HOOK1: variants seen among roughly 807,000 people sequenced by gnomAD.
HOOK1 encodes the protein protein Hook homolog 1.
HOOK1 carries 60 observed loss-of-function variants against 112.8 expected under a neutral mutation model. The observed-to-expected ratio is 0.53, with a 90% CI of 0.43 to 0.66. HOOK1 has a LOEUF of 0.66. HOOK1 is among the 30% of genes least tolerant of loss of function. The pLI is 0.00. For synonymous variants in HOOK1, 294 were observed against 283.8 expected (o/e 1.04, Z -0.36); for missense variants, 770 against 856.0 (o/e 0.90, Z 1.25).
chr1:59,855,971 TATATATATATA>T (rs2098410413), intron 12 of HOOK1, among the ~76,000 whole-genome samples: 13 of 78,898 alleles, frequency 1.6e-4, no homozygotes, highest in Non-Finnish European at 2.9e-4. Flanking sequence ...AATTATTATA[TATATATATATA>T]TATTTTTTTT....
chr1:59,868,111 G>A (rs1643998292), intron 19 of HOOK1, 139 bp from the exon 20 acceptor site: 2 of 576,264 alleles, frequency 3.5e-6, no homozygotes, highest in Non-Finnish European at 6.2e-6. Context: ...AATTAGGATT[G>A]TAAAACAAGC....
intron 2 of HOOK1, 72 bp downstream of exon 2, chr1:59,822,015 T>G (rs2098386047): frequency 8.2e-7 from 1 of 1,223,458 alleles, no homozygotes; most frequent in Non-Finnish European, 1.2e-6. Context: ...AACTTGGACT[T>G]GAATTCCAAA....
At chr1:59,822,748 G>A (rs962379417) in intron 2 of HOOK1, among the ~76,000 whole-genome samples, 12 of 152,048 alleles carry the variant, frequency 7.9e-5, no homozygotes, top group African/African-American at 2.9e-4. Context: ...CAGATTATTT[G>A]TCACCATCAT....
chr1:59,857,164 T>C (rs2098411158), intron 12 of HOOK1, among the ~76,000 whole-genome samples: 1 of 152,092 alleles, frequency 6.6e-6, no homozygotes, highest in Non-Finnish European at 1.5e-5. Flanking sequence ...TCCCTACAAA[T>C]GGGATTTAGG....
chr1:59,814,996 C>A lies in HOOK1; in HGVS notation c.-122C>A. The A allele has an allele frequency of 1.0e-6, 1 of 958,624 alleles. No homozygotes were observed. Among genetic ancestry groups the A allele is most frequent in the Non-Finnish European group, 1.6e-6 (1 of 639,432 alleles). The allele number at this position is 958,624 out of a possible 1,614,324, so 59.4% of individuals were successfully genotyped here. A position where few individuals can be genotyped will look rare whatever the true frequency, so the allele number is the denominator to read the frequency against. Reference sequence around the variant, plus strand: ...CGCGAGGGTTCGCGCGTGAGCTGCGCGGGTCGGGCCTGGTACCGAGCTTTC... The same window carrying A: ...CGCGAGGGTTCGCGCGTGAGCTGCGAGGGTCGGGCCTGGTACCGAGCTTTC... On this transcript the variant is annotated 5_prime_UTR_variant, in exon 1 of 22. Coordinates refer to ENST00000371208, the MANE Select transcript of HOOK1 (RefSeq NM_015888.6).
intron 20 of HOOK1, 32 bp from the exon 21 acceptor site, chr1:59,871,010 G>T: frequency 7.1e-7 from 1 of 1,406,160 alleles, no homozygotes; most frequent in South Asian, 1.2e-5. Context: ...GTAATTTCTG[G>T]GATTTTAATT....
Position 59,843,479 on chromosome 1 carries a change from GA to G in HOOK1, c.670del (p.Met224Ter). ...AGAATTCACTGGTTTCTGAAAATGA[GA>G]TGATGAATGAAAAACTTGACCAGTT... ...EKNSLVSENE[M>X]MNEKLDQLDG... On this transcript the variant is annotated frameshift_variant, in exon 9 of 22. Coordinates refer to ENST00000371208, the MANE Select transcript of HOOK1 (RefSeq NM_015888.6). LOFTEE classifies it high-confidence loss of function. 1 of 1,610,780 alleles carries G rather than the reference GA, an allele frequency of 6.2e-7. No individual in the cohort carries two copies. Among genetic ancestry groups the G allele is most frequent in the Non-Finnish European group, 8.5e-7 (1 of 1,178,404 alleles).
Position 59,865,965 on chromosome 1 carries a change from C to A in HOOK1, c.1838C>A (p.Ala613Asp), listed in dbSNP as rs375577012. 1 of 1,558,006 alleles carries A rather than the reference C, an allele frequency of 6.4e-7. No homozygotes were observed. Among genetic ancestry groups the A allele is most frequent in the Non-Finnish European group, 8.8e-7 (1 of 1,137,796 alleles). Residue 613 changes from alanine (A) to aspartate (D), a missense_variant, in exon 19 of 22, where the codon GCC becomes GAC. Physicochemically the swap from Ala to Asp is moderately radical, Grantham distance 126. Transcript: ENST00000371208. ...EERYKMYLEK[A>D]RNVIKTLDPK... ...AGATATAAAATGTACTTGGAGAAAG[C>A]CAGAAATGTGAGTGACTTATCTTTC...
Position 59,843,518 on chromosome 1 carries a change from T to C in HOOK1, c.708T>C (p.Phe236=), listed in dbSNP as rs1345729887. Residue 236 remains phenylalanine, a synonymous_variant, in exon 9 of 22, where the codon TTT becomes TTC. Transcript: ENST00000371208. ...AACTTGACCAGTTGGATGGCTCTTT[T>C]GATGATCCAAACACAGTGGTTGCAA... ...NEKLDQLDGS[F]DDPNTVVAKK... 1 of 1,610,458 alleles carries C rather than the reference T, an allele frequency of 6.2e-7. No homozygotes were observed. The highest frequency in any genetic ancestry group is 8.5e-7 in the Non-Finnish European group (1 of 1,177,866).
In HOOK1 at chr1:59,872,948, G is replaced by A; in HGVS notation, c.2170G>A (p.Ala724Thr). The A allele has an allele frequency of 6.7e-7, 1 of 1,494,738 alleles. No individual in the cohort carries two copies. The highest frequency in any genetic ancestry group is 9.0e-7 in the Non-Finnish European group (1 of 1,112,654). The allele number at this position is 1,494,738 out of a possible 1,614,324, so 92.6% of individuals were successfully genotyped here. A position where few individuals can be genotyped will look rare whatever the true frequency, so the allele number is the denominator to read the frequency against. The change falls in exon 22 of 22, where the codon GCT becomes ACT. Residue 724 changes from alanine (A) to threonine (T), a missense_variant. By Grantham distance (58) the Ala-to-Thr change is moderately conservative. Around this residue, in one of 3 missense-constraint regions of HOOK1, gnomAD observed 111 missense variants for 111.8 expected, o/e 0.99. Coordinates refer to ENST00000371208, the MANE Select transcript of HOOK1 (RefSeq NM_015888.6). ...TRRNLSVKVPATTSD is the reference protein window; with the variant it reads ...TRRNLSVKVPTTTSD ...AAGAAATCTCTCTGTTAAAGTCCCT[G>A]CTACAACATCTGATTAAACTGCAAA... is the stretch of plus-strand genomic sequence containing the variant.
At chr1:59,849,897 G>A (rs2098406221) in intron 12 of HOOK1, among the ~76,000 whole-genome samples, 1 of 151,364 alleles carries the variant, frequency 6.6e-6, no homozygotes, top group Non-Finnish European at 1.5e-5. Flanking sequence ...TCTACTTTTT[G>A]GCTGTTATGA....
intron 2 of HOOK1, among the ~76,000 whole-genome samples, chr1:59,823,929 C>G (rs2098387892): frequency 6.6e-6 from 1 of 152,190 alleles, no homozygotes; most frequent in South Asian, 2.1e-4. Context: ...AAAATTAACC[C>G]TAAATATCTC....
At chr1:59,816,336 G>C (rs983347986) in intron 1 of HOOK1, among the ~76,000 whole-genome samples, 1 of 152,188 alleles carries the variant, frequency 6.6e-6, no homozygotes, top group African/African-American at 2.4e-5. Context: ...TGAGTTAAAA[G>C]CAATTAGCTA....
At chr1:59,821,692 A>G (rs2098385757) in intron 1 of HOOK1, among the ~76,000 whole-genome samples, 166 bp from the exon 2 acceptor site, 1 of 152,058 alleles carries the variant, frequency 6.6e-6, no homozygotes, top group African/African-American at 2.4e-5. Flanking sequence ...CCATAGAGAC[A>G]TATTAGCATA....
At chr1:59,855,984 A>ATATATATT (rs2098410511) in intron 12 of HOOK1, among the ~76,000 whole-genome samples, 1 of 60,290 alleles carries the variant, frequency 1.7e-5, no homozygotes, top group Non-Finnish European at 2.7e-5. Context: ...ATATATATAT[A>ATATATATT]TTTTTTTTTT....
chr1:59,852,755 T>G (rs761332156), intron 12 of HOOK1, among the ~76,000 whole-genome samples: 2 of 151,730 alleles, frequency 1.3e-5, no homozygotes. Flanking sequence ...GGAATTTTTC[T>G]TGATTTTTTT....
intron 9 of HOOK1, 99 bp downstream of exon 9, chr1:59,843,697 A>G: frequency 1.1e-6 from 1 of 895,258 alleles, no homozygotes. Context: ...ATTGTTAAGC[A>G]TCTTTAGGAT....
Position 59,875,927 on chromosome 1 carries a change from ATGTTT to A in HOOK1, c.*2963_*2967del, listed in dbSNP as rs754314779. The A allele has an allele frequency of 6.6e-6, 1 of 152,628 alleles. No homozygotes were observed. Among genetic ancestry groups the A allele is most frequent in the Non-Finnish European group, 1.5e-5 (1 of 68,038 alleles). The allele number at this position is 152,628 out of a possible 1,614,324, so 9.5% of individuals were successfully genotyped here. A position where few individuals can be genotyped will look rare whatever the true frequency, so the allele number is the denominator to read the frequency against. On this transcript the variant is annotated 3_prime_UTR_variant, in exon 22 of 22. Transcript: ENST00000371208. Reference sequence around the variant, plus strand: ...AGAGTGCTAATTTGAATGTTAGATAATGTTTCCACATCTATACCTATTTCTTTCTA... The same window carrying A: ...AGAGTGCTAATTTGAATGTTAGATAACCACATCTATACCTATTTCTTTCTA...
At chr1:59,861,112 T>C (rs2098413390) in intron 15 of HOOK1, among the ~76,000 whole-genome samples, 1 of 152,136 alleles carries the variant, frequency 6.6e-6, no homozygotes, top group Admixed American at 6.6e-5. Flanking sequence ...GGCTTCACCA[T>C]GTTGGCTGGG....
Sources: allele counts gnomAD v4.1 joint callset (sites outside exome capture counted in the v4.1 genomes callset), GRCh38; gene constraint gnomAD v4.1.1; regional missense constraint gnomAD v4.1.1; transcripts MANE v1.5; gene names NCBI Gene and HGNC (gene_info 2026-07-23, HGNC 2026-07-21).